GPR119: variants seen among roughly 807,000 people sequenced by gnomAD.
GPR119 encodes the protein G protein-coupled receptor 119, also known as glucose-dependent insulinotropic receptor.
Under a neutral mutation model 13.3 loss-of-function variants are expected in GPR119, and 7 were observed. That is an observed-to-expected ratio of 0.53 (90% CI 0.30 to 0.99). The LOEUF (loss-of-function observed/expected upper bound fraction) is 0.99. GPR119 is among the 50% of genes least tolerant of loss of function. GPR119 has a pLI of 0.06. For missense variants in GPR119, 197 were observed against 263.0 expected (o/e 0.75, Z 1.74); for synonymous variants, 107 against 112.5 (o/e 0.95, Z 0.31).
rs939513999 is a variant in GPR119, at chrX:130,381,935, T to C, written c.*621A>G. Among the ~76,000 whole-genome samples the C allele has an allele frequency of 5.4e-5, 6 of 111,555 alleles. No homozygotes were observed. The highest frequency in any genetic ancestry group is 2.0e-4 in the African/African-American group (6 of 30,673). The stretch of plus-strand genomic sequence containing the variant: ...CACTGGTCTGTTGGATTTCAAGACC[T>C]GTGATTTTTCCATTGCACATACTGA... On this transcript the variant is annotated 3_prime_UTR_variant, in exon 2 of 2. Coordinates refer to ENST00000682440, the MANE Select transcript of GPR119 (RefSeq NM_178471.3).
chrX:130,385,395 A>T lies in GPR119; in HGVS notation c.53T>A (p.Ile18Asn). 1 of 1,211,408 alleles carries T rather than the reference A, an allele frequency of 8.3e-7. No individual in the cohort carries two copies. Among genetic ancestry groups the T allele is most frequent in the Non-Finnish European group, 1.1e-6 (1 of 895,038 alleles). Residue 18 changes from isoleucine (I) to asparagine (N), a missense_variant, in exon 1 of 2, where the codon ATC (isoleucine) becomes AAC (asparagine). Ile to Asn is a moderately radical substitution (Grantham distance 149). Coordinates refer to ENST00000682440, the MANE Select transcript of GPR119 (RefSeq NM_178471.3). Reference protein sequence around the residue: ...GVILAVLASLIIATNTLVAVA... With the variant: ...GVILAVLASLNIATNTLVAVA... Reference sequence around the variant, plus strand: ...AGCCACTAGTGTGTTAGTAGCAATGATGAGGGAGGCCAGGACAGCAAGGAT... The same window carrying T: ...AGCCACTAGTGTGTTAGTAGCAATGTTGAGGGAGGCCAGGACAGCAAGGAT...
rs1440447414 is a variant in GPR119 at position 130,381,656 on chromosome X, C to T, written c.*900G>A. On this transcript the variant is annotated 3_prime_UTR_variant, in exon 2 of 2. Transcript: ENST00000682440. The stretch of plus-strand genomic sequence containing the variant: ...CAGTTCTGAGTCCAATTGTCCTTGT[C>T]CTATATGTCATAATATCTGAATATG... Among the ~76,000 whole-genome samples the T allele has an allele frequency of 1.8e-5, 2 of 111,692 alleles. No individual in the cohort carries two copies.
At position 130,385,025 on chromosome X, in the gene GPR119, G is replaced by A. The variant is rs2034377669; in HGVS notation, c.423C>T (p.Leu141=). 2.5e-6 allele frequency: 3 copies of A among 1,211,769 alleles called. No individual in the cohort carries two copies. The highest frequency in any genetic ancestry group is 1.8e-5 in the South Asian group (1 of 56,994). ...LVSYLIGFLP[L]GIPMFQQTAY... Reference sequence around the variant, plus strand: ...CAGTCTGCTGGAACATGGGGATTCCGAGTGGGAGGAAGCCAATGAGGTAAG... The same window carrying A: ...CAGTCTGCTGGAACATGGGGATTCCAAGTGGGAGGAAGCCAATGAGGTAAG... Residue 141 remains leucine (L), a synonymous_variant, in exon 1 of 2, where the codon CTC becomes CTT. Transcript: ENST00000682440.
At chrX:130,383,861 G>A (rs1350000528) in intron 1 of GPR119, among the ~76,000 whole-genome samples, 1 of 111,854 alleles carries the variant, frequency 8.9e-6, no homozygotes, top group Admixed American at 9.4e-5. Context: ...TGGCTACTGA[G>A]CATTTGAAAT....
chrX:130,385,570 G>T lies in GPR119; in HGVS notation c.-123C>A. On this transcript the variant is annotated 5_prime_UTR_variant, in exon 1 of 2. The change creates a new upstream start codon in the 5' untranslated region. Transcript: ENST00000682440. ...AGCACGATTCTGGCCTTCGCTGGCAGTCCAGGCTGGCAGGTCGCCATCTTT... is the reference window on the plus strand; with the variant it reads ...AGCACGATTCTGGCCTTCGCTGGCATTCCAGGCTGGCAGGTCGCCATCTTT... 2 of 663,845 alleles carry T rather than the reference G, an allele frequency of 3.0e-6. No homozygotes were observed. The highest frequency in any genetic ancestry group is 2.3e-6 in the Non-Finnish European group (1 of 429,760). 54.7% of individuals were successfully genotyped at this position (663,845 alleles called of 1,213,427 possible). A position where few individuals can be genotyped will look rare whatever the true frequency, so the allele number is the denominator to read the frequency against.
intron 1 of GPR119, among the ~76,000 whole-genome samples, chrX:130,384,143 T>G (rs2034370202): frequency 8.9e-6 from 1 of 112,731 alleles, no homozygotes; most frequent in Admixed American, 9.4e-5. Context: ...GAATTTGATC[T>G]ATAAGCATCT....
chrX:130,380,183 C>A lies in GPR119; in HGVS notation c.*2373G>T, dbSNP rs2034352908. Among the ~76,000 whole-genome samples the A allele has an allele frequency of 8.9e-6, 1 of 112,238 alleles. No homozygotes were observed. The highest frequency in any genetic ancestry group is 1.9e-5 in the Non-Finnish European group (1 of 53,286). On this transcript the variant is annotated 3_prime_UTR_variant, in exon 2 of 2. Transcript: ENST00000682440. ...ATTGCTATTCTTGTTTTTGCTGATT[C>A]TATGTGTGTCCTTAAGTATCTTGTG...
chrX:130,381,105 C>T lies in GPR119; in HGVS notation c.*1451G>A, dbSNP rs532130874. ...TTGTGTAGCATCCTGTAGCTCTGCT[C>T]TTGGTGGCTTATTAAACACAGTGTT... is the stretch of plus-strand genomic sequence containing the variant. On this transcript the variant is annotated 3_prime_UTR_variant, in exon 2 of 2. Transcript: ENST00000682440. 2.5e-4 allele frequency among the ~76,000 whole-genome samples: 27 copies of T among 108,038 alleles called. No individual in the cohort carries two copies. The South Asian group carries it at 0.011, about 43-fold the overall frequency. The allele number at this position is 108,038 out of a possible 115,157, so 93.8% of individuals were successfully genotyped here.
In GPR119 at chrX:130,380,653, T is replaced by C. The variant is rs760431721; in HGVS notation, c.*1903A>G. On this transcript the variant is annotated 3_prime_UTR_variant, in exon 2 of 2. Coordinates refer to ENST00000682440, the MANE Select transcript of GPR119 (RefSeq NM_178471.3). ...TCACTCAAGACTATCATGAACAACATAGGGAGACCCTGTCTCTACAAAATA... is the reference window on the plus strand; with the variant it reads ...TCACTCAAGACTATCATGAACAACACAGGGAGACCCTGTCTCTACAAAATA... 1.8e-5 allele frequency among the ~76,000 whole-genome samples: 2 copies of C among 112,204 alleles called. No individual in the cohort carries two copies. The highest frequency in any genetic ancestry group is 3.8e-5 in the Non-Finnish European group (2 of 53,196).
chrX:130,384,486 C>G lies in GPR119; in HGVS notation c.962G>C (p.Ser321Thr). 8.3e-7 allele frequency: 1 copy of G among 1,211,745 alleles called. No homozygotes were observed. The highest frequency in any genetic ancestry group is 1.1e-6 in the Non-Finnish European group (1 of 895,359). Residue 321 changes from serine to threonine, a missense_variant, in exon 1 of 2, where the codon AGT (serine) becomes ACT (threonine). Transcript: ENST00000682440. ...GGAGATAGTGACGATGTGACAGGAA[C>G]TTTCCCTGGGCCTCTCTGGGCCACA... ...RNCGPERPRE[S>T]SCHIVTISSS...
rs2034379958 is a variant in GPR119 at position 130,385,258 on chromosome X, C to T, written c.190G>A (p.Asp64Asn). 1 of 1,210,580 alleles carries T rather than the reference C, an allele frequency of 8.3e-7. No homozygotes were observed. The highest frequency in any genetic ancestry group is 1.7e-5 in the African/African-American group (1 of 57,382). Residue 64 changes from aspartate (D) to asparagine (N), a missense_variant, in exon 1 of 2, where the codon GAC becomes AAC. By Grantham distance (23) the Asp-to-Asn change is conservative (BLOSUM62 1). Transcript: ENST00000682440. Reference protein sequence around the residue: ...IGVAISGLLTDQLSSPSRPTQ... With the variant: ...IGVAISGLLTNQLSSPSRPTQ... ...GGCCGAGAAGGGCTGGAGAGCTGGT[C>T]TGTGAGTAGGCCAGAGATGGCCACA...
rs79663398 is a variant in GPR119 at position 130,381,137 on chromosome X, GT to G, written c.*1418del. On this transcript the variant is annotated 3_prime_UTR_variant, in exon 2 of 2. Transcript: ENST00000682440. ...GCTTATTAAACACAGTGTTGTTGCT[GT>G]TTTTTTTTTTGTTTGTTTGTTTGTT... Among the ~76,000 whole-genome samples, 17 of 79,874 alleles carry G rather than the reference GT, an allele frequency of 2.1e-4. No individual in the cohort carries two copies. The highest frequency in any genetic ancestry group is 6.2e-4 in the South Asian group (1 of 1,613). 69.4% of individuals were successfully genotyped at this position (79,874 alleles called of 115,157 possible).
rs1410673318 is a variant in GPR119, at chrX:130,381,611, T to C, written c.*945A>G. On this transcript the variant is annotated 3_prime_UTR_variant, in exon 2 of 2. Transcript: ENST00000682440. The stretch of plus-strand genomic sequence containing the variant: ...TCATCACTCATTTTTAAAAATCTTA[T>C]TCAGAGGTTGAGGAATTTACAGTTC... 8.9e-6 allele frequency among the ~76,000 whole-genome samples: 1 copy of C among 111,989 alleles called. No homozygotes were observed. The highest frequency in any genetic ancestry group is 9.5e-5 in the Admixed American group (1 of 10,511).
intron 1 of GPR119, among the ~76,000 whole-genome samples, 24 bp from the exon 2 acceptor site, chrX:130,382,575 G>T (rs778254841): frequency 1.8e-5 from 2 of 111,770 alleles, no homozygotes; most frequent in South Asian, 7.5e-4. Flanking sequence ...ACCAAAAGTG[G>T]GTTGATGTGT....
chrX:130,381,141 T>C lies in GPR119; in HGVS notation c.*1415A>G, dbSNP rs187589005. On this transcript the variant is annotated 3_prime_UTR_variant, in exon 2 of 2. Coordinates refer to ENST00000682440, the MANE Select transcript of GPR119 (RefSeq NM_178471.3). ...ATTAAACACAGTGTTGTTGCTGTTT[T>C]TTTTTTTGTTTGTTTGTTTGTTTTT... Among the ~76,000 whole-genome samples the C allele has an allele frequency of 0.048, 3,994 of 84,020 alleles. 81 individuals are homozygous for C. The highest frequency in any genetic ancestry group is 0.075 in the Non-Finnish European group (2,962 of 39,260). 73.0% of individuals were successfully genotyped at this position (84,020 alleles called of 115,157 possible).
Position 130,381,142 on chromosome X carries a change from T to TG in GPR119, c.*1413_*1414insC. 1.2e-5 allele frequency among the ~76,000 whole-genome samples: 1 copy of TG among 84,308 alleles called. No homozygotes were observed. Among genetic ancestry groups the TG allele is most frequent in the Non-Finnish European group, 2.5e-5 (1 of 39,358 alleles). The allele number at this position is 84,308 out of a possible 115,157, so 73.2% of individuals were successfully genotyped here. ...TTAAACACAGTGTTGTTGCTGTTTT[T>TG]TTTTTTGTTTGTTTGTTTGTTTTTT... is the stretch of plus-strand genomic sequence containing the variant. On this transcript the variant is annotated 3_prime_UTR_variant, in exon 2 of 2. Coordinates refer to ENST00000682440, the MANE Select transcript of GPR119 (RefSeq NM_178471.3).
At position 130,385,165 on chromosome X, in the gene GPR119, TG is replaced by T; in HGVS notation, c.282del (p.Thr95ArgfsTer4). ...CTGTCAAAGGTGATCAGCATGACCGTGAGGACAGAGGCAGCTGCGGAGGAAG... is the reference window on the plus strand; with the variant it reads ...CTGTCAAAGGTGATCAGCATGACCGTAGGACAGAGGCAGCTGCGGAGGAAG... The part of the protein sequence containing the change: ...FVTSSAAASV[L>X]TVMLITFDRY... On this transcript the variant is annotated frameshift_variant, in exon 1 of 2. Coordinates refer to ENST00000682440, the MANE Select transcript of GPR119 (RefSeq NM_178471.3). LOFTEE classifies it high-confidence loss of function. 2.5e-6 allele frequency: 3 copies of T among 1,211,945 alleles called. No homozygotes were observed. The highest frequency in any genetic ancestry group is 2.2e-6 in the Non-Finnish European group (2 of 895,488).
rs552021542 is a variant in GPR119, at chrX:130,385,555, T to C, written c.-108A>G. 2.7e-5 allele frequency: 20 copies of C among 740,497 alleles called. No homozygotes were observed. Among genetic ancestry groups the C allele is most frequent in the African/African-American group, 2.1e-4 (10 of 47,478 alleles). The allele number at this position is 740,497 out of a possible 1,213,427, so 61.0% of individuals were successfully genotyped here. The stretch of plus-strand genomic sequence containing the variant: ...TGGGTTCAGAGCTACAGCACGATTC[T>C]GGCCTTCGCTGGCAGTCCAGGCTGG... On this transcript the variant is annotated 5_prime_UTR_variant, in exon 1 of 2. Transcript: ENST00000682440.
In GPR119 at chrX:130,384,462, G is replaced by A. The variant is rs752765269; in HGVS notation, c.986C>T (p.Ser329Phe). The A allele has an allele frequency of 5.0e-6, 6 of 1,209,462 alleles. No individual in the cohort carries two copies. In the South Asian group the frequency reaches 1.1e-4, roughly 21 times the overall value. ...RESSCHIVTI[S>F]SSEFDG ...GTCTTAGCCATCAAACTCTGAGCTG[G>A]AGATAGTGACGATGTGACAGGAACT... The change falls in exon 1 of 2, where the codon TCC (serine) becomes TTC (phenylalanine). Residue 329 changes from serine to phenylalanine, a missense_variant. Transcript: ENST00000682440.
Sources: gnomAD v4.1 joint callset for allele counts (sites outside exome capture counted in the v4.1 genomes callset) on GRCh38, gnomAD v4.1.1 for gene constraint, MANE v1.5 for transcripts, NCBI Gene and HGNC (gene_info 2026-07-23, HGNC 2026-07-21) for gene names.